The following ZRANB3 variants were observed in gnomAD, a reference collection of about 807,000 sequenced individuals.
The protein encoded by ZRANB3 is zinc finger RANBP2-type containing 3.
Under a neutral mutation model 133.8 loss-of-function variants are expected in ZRANB3, and 125 were observed. The observed-to-expected ratio is 0.93, with a 90% CI of 0.81 to 1.08. The LOEUF is 1.08. Ranked by LOEUF, ZRANB3 falls within the 50% of genes least tolerant of loss-of-function variation. The probability of loss-of-function intolerance (pLI) is 0.00; values close to 1 mark genes in which losing one functional copy is unlikely to be tolerated. For synonymous variants in ZRANB3, 387 were observed against 432.7 expected (o/e 0.89, Z 1.31); for missense variants, 1,229 against 1,275.5 (o/e 0.96, Z 0.56).
At chr2:135,289,190 A>ATC (rs1001786951) in intron 8 of ZRANB3, among the ~76,000 whole-genome samples, 155 of 152,216 alleles carry the variant, frequency 1.0e-3, no homozygotes, top group African/African-American at 3.6e-3. Flanking sequence ...TGACTCAGTG[A>ATC]TCATTCAGGA....
rs752344539 is a variant in ZRANB3, at chr2:135,217,511, A to C, written c.2449T>G (p.Leu817Val). The C allele has an allele frequency of 6.2e-7, 1 of 1,613,404 alleles. No homozygotes were observed. The highest frequency in any genetic ancestry group is 1.3e-5 in the African/African-American group (1 of 74,922). ...GQLFCSPILA[L>V]EEITKQQTKQ... ...GTTTGTTGCTTTGTGATCTCTTCCAAAGCAAGAATTGGGCTACAGAATAGC... is the reference window on the plus strand; with the variant it reads ...GTTTGTTGCTTTGTGATCTCTTCCACAGCAAGAATTGGGCTACAGAATAGC... Residue 817 changes from leucine to valine, a missense_variant, in exon 17 of 21, where the codon TTG becomes GTG. By Grantham distance (32) the Leu-to-Val change is conservative (BLOSUM62 1). Coordinates refer to ENST00000264159, the MANE Select transcript of ZRANB3 (RefSeq NM_032143.4).
At chr2:135,512,657 C>A (rs998923540) in intron 1 of ZRANB3, among the ~76,000 whole-genome samples, 1 of 151,588 alleles carries the variant, frequency 6.6e-6, no homozygotes, top group African/African-American at 2.4e-5. Flanking sequence ...ACATATTATA[C>A]ATGCCAAAGT....
chr2:135,259,096 G>A (rs1306531546), intron 12 of ZRANB3, among the ~76,000 whole-genome samples: 1 of 151,996 alleles, frequency 6.6e-6, no homozygotes, highest in Non-Finnish European at 1.5e-5. Flanking sequence ...GGAGTACAGT[G>A]GTGCAATCAT....
intron 15 of ZRANB3, among the ~76,000 whole-genome samples, chr2:135,221,006 G>GCA (rs1694530931): frequency 6.6e-6 from 1 of 151,758 alleles, no homozygotes; most frequent in Non-Finnish European, 1.5e-5. Context: ...ACTGGTGCCT[G>GCA]CCACCATGCC....
rs1400798104 is a variant in ZRANB3, at chr2:135,230,763, T to C, written c.1704A>G (p.Glu568=). Residue 568 remains glutamate, a synonymous_variant, in exon 13 of 21, where the codon GAA becomes GAG. Transcript: ENST00000264159. ...KTAARDIIDY[E]SDVEPETKRL... ...TTTTCGTTTCAGGTTCAACATCACT[T>C]TCATAATCGATGATATCTCTTGCAG... 6.2e-7 allele frequency: 1 copy of C among 1,613,746 alleles called. No individual in the cohort carries two copies. Among genetic ancestry groups the C allele is most frequent in the East Asian group, 2.2e-5 (1 of 44,888 alleles).
intron 12 of ZRANB3, among the ~76,000 whole-genome samples, chr2:135,258,001 A>T (rs1679746574): frequency 6.6e-6 from 1 of 152,166 alleles, no homozygotes; most frequent in Admixed American, 6.5e-5. Flanking sequence ...GTTAAATAAG[A>T]TCATGAGCCT....
intron 3 of ZRANB3, among the ~76,000 whole-genome samples, chr2:135,380,912 C>A (rs1041126659): frequency 4.6e-5 from 7 of 152,254 alleles, no homozygotes; most frequent in African/African-American, 1.7e-4. Flanking sequence ...CAGTCTACAG[C>A]CCCTAGCATG....
At chr2:135,503,529 T>C (rs915281134) in intron 2 of ZRANB3, among the ~76,000 whole-genome samples, 1 of 152,096 alleles carries the variant, frequency 6.6e-6, no homozygotes, top group Admixed American at 6.6e-5. Flanking sequence ...TAGAAAACCA[T>C]ATAATGGCCC....
In ZRANB3 at chr2:135,471,503, G is replaced by C. The variant is rs935571114; in HGVS notation, c.161+32826C>G. 2.0e-5 allele frequency among the ~76,000 whole-genome samples: 3 copies of C among 152,104 alleles called. No individual in the cohort carries two copies. The East Asian group carries it at 5.8e-4, about 29-fold the overall frequency. On this transcript the variant is annotated intron_variant, in intron 2 of 20. Transcript: ENST00000264159. Reference sequence around the variant, plus strand: ...CATTCACTGTGTTTCAGAGTTTTGGGGAGATGTTAAGAAAATATATAAATT... The same window carrying C: ...CATTCACTGTGTTTCAGAGTTTTGGCGAGATGTTAAGAAAATATATAAATT...
At chr2:135,205,294 C>G (rs4954227) in intron 19 of ZRANB3, among the ~76,000 whole-genome samples, 29,984 of 152,068 alleles carry the variant, frequency 0.2, 4,014 homozygotes, top group African/African-American at 0.36. Flanking sequence ...TTTAGAGATA[C>G]GGTCTCGCTC....
At chr2:135,368,980 T>C (rs1384830836) in intron 3 of ZRANB3, among the ~76,000 whole-genome samples, 3 of 152,020 alleles carry the variant, frequency 2.0e-5, no homozygotes. Flanking sequence ...TAAAGAGTCA[T>C]TTCATTTTGC....
At chr2:135,494,722 A>C (rs1218646573) in intron 2 of ZRANB3, among the ~76,000 whole-genome samples, 2 of 152,240 alleles carry the variant, frequency 1.3e-5, no homozygotes, top group Non-Finnish European at 2.9e-5. Flanking sequence ...CTGATGCAGG[A>C]AAGATTGCAT....
At chr2:135,390,775 A>T (rs1343659890) in intron 3 of ZRANB3, 27 bp downstream of exon 3, 7 of 1,557,876 alleles carry the variant, frequency 4.5e-6, no homozygotes, top group Non-Finnish European at 6.1e-6. Context: ...ATCTTATAAA[A>T]GACATAAAAA....
chr2:135,289,086 A>C (rs1573838274), intron 8 of ZRANB3, among the ~76,000 whole-genome samples: 1 of 151,900 alleles, frequency 6.6e-6, no homozygotes, highest in Non-Finnish European at 1.5e-5. Flanking sequence ...TCCTCTTAGC[A>C]CTGTTTTTGC....
intron 2 of ZRANB3, among the ~76,000 whole-genome samples, chr2:135,478,483 A>G (rs1691604652): frequency 6.6e-6 from 1 of 152,124 alleles, no homozygotes; most frequent in Non-Finnish European, 1.5e-5. Context: ...CCATAGATTA[A>G]TATGTTATTT....
At chr2:135,523,435 G>T (rs528117323) in intron 1 of ZRANB3, among the ~76,000 whole-genome samples, 1 of 152,020 alleles carries the variant, frequency 6.6e-6, no homozygotes, top group Non-Finnish European at 1.5e-5. Flanking sequence ...CTTAAATTTT[G>T]TCTCTCACTT....
At chr2:135,374,978 A>G (rs1454155994) in intron 3 of ZRANB3, among the ~76,000 whole-genome samples, 2 of 151,406 alleles carry the variant, frequency 1.3e-5, no homozygotes, top group Admixed American at 1.3e-4. Context: ...AGGTGAATAG[A>G]GAATTACAAA....
chr2:135,505,568 T>C (rs929227251), intron 1 of ZRANB3, among the ~76,000 whole-genome samples: 1 of 151,612 alleles, frequency 6.6e-6, no homozygotes, highest in African/African-American at 2.4e-5. Context: ...AGTGAGACTC[T>C]GTCTCAAGGA....
intron 17 of ZRANB3, among the ~76,000 whole-genome samples, chr2:135,214,618 A>G (rs1243226947): frequency 2.0e-5 from 3 of 152,200 alleles, no homozygotes; most frequent in Non-Finnish European, 4.4e-5. Context: ...TACAAAAATG[A>G]GAAAGATTGA....
Sources: gnomAD v4.1 joint callset for allele counts (sites outside exome capture counted in the v4.1 genomes callset) on GRCh38, gnomAD v4.1.1 for gene constraint, MANE v1.5 for transcripts, NCBI Gene and HGNC (gene_info 2026-07-23, HGNC 2026-07-21) for gene names.